Variants in SHROOM3 observed in about 807,000 individuals in gnomAD.
SHROOM3 encodes the protein protein Shroom3.
SHROOM3 carries 47 observed loss-of-function variants against 138.6 expected under a neutral mutation model. That is an observed-to-expected ratio of 0.34 (90% confidence interval 0.27 to 0.43). SHROOM3 has a LOEUF of 0.43. SHROOM3 is among the 20% of genes least tolerant of loss of function. The pLI is 1.00. For synonymous variants in SHROOM3, 1,062 were observed against 1,063.3 expected (o/e 1.00, Z 0.02); for missense variants, 2,491 against 2,596.5 (o/e 0.96, Z 0.88).
intron 1 of SHROOM3, among the ~76,000 whole-genome samples, chr4:76,485,680 G>C (rs1731714395): frequency 6.6e-6 from 1 of 152,108 alleles, no homozygotes; most frequent in Admixed American, 6.6e-5. Flanking sequence ...CCCTAAAGAG[G>C]CTTTATGTAT....
rs532123412 is a variant in SHROOM3, at chr4:76,458,479, T to G, written c.168+22259T>G. On this transcript the variant is annotated intron_variant, in intron 1 of 10. Coordinates refer to ENST00000296043, the MANE Select transcript of SHROOM3 (RefSeq NM_020859.4). ...TTCAGTAGCGTTGAGTACATTGTTG[T>G]GCAACCATCACCACTATCTGGTTCC... Among the ~76,000 whole-genome samples, 44 of 152,344 alleles carry G rather than the reference T, an allele frequency of 2.9e-4. No individual in the cohort carries two copies. In the South Asian group the frequency reaches 7.9e-3, roughly 27 times the overall value.
rs909150121 is a variant in SHROOM3, at chr4:76,664,979, C to T, written c.324-45177C>T. On this transcript the variant is annotated intron_variant, in intron 2 of 10. Coordinates refer to ENST00000296043, the MANE Select transcript of SHROOM3 (RefSeq NM_020859.4). The surrounding 1 kb of genome is among the most constrained non-coding windows in gnomAD (Gnocchi z 4.2). ...CAGCCTGGGCAACACAGTGAGACCA[C>T]GTCTCAAAAATATATATATTAACAA... 1.3e-5 allele frequency among the ~76,000 whole-genome samples: 2 copies of T among 151,928 alleles called. No homozygotes were observed. Among genetic ancestry groups the T allele is most frequent in the Non-Finnish European group, 2.9e-5 (2 of 67,978 alleles).
rs1402134836 is a variant in SHROOM3, at chr4:76,741,113, C to T, written c.2940C>T (p.His980=). The change falls in exon 5 of 11, where the codon CAC becomes CAT. Residue 980 remains histidine, a synonymous_variant. Coordinates refer to ENST00000296043, the MANE Select transcript of SHROOM3 (RefSeq NM_020859.4). This position sits in a 1 kb window ranked among gnomAD's most constrained non-coding sequence, Gnocchi z 6.2. ...AGGCGTCGGCCTCCGCCTCCCCGCA[C>T]ACGCCCCGGGAGCGGCACAGCGTGA... ...SPEASASASP[H]TPRERHSVTP... is the part of the protein sequence containing the mutation. The T allele has an allele frequency of 3.9e-6, 6 of 1,550,070 alleles. No homozygotes were observed. Among genetic ancestry groups the T allele is most frequent in the Non-Finnish European group, 5.2e-6 (6 of 1,147,616 alleles).
intron 1 of SHROOM3, among the ~76,000 whole-genome samples, chr4:76,540,869 G>A (rs986061919): frequency 2.0e-5 from 3 of 152,144 alleles, no homozygotes; most frequent in African/African-American, 7.2e-5. Flanking sequence ...TGAAGAAAGA[G>A]TTGAAAATTA....
At chr4:76,712,434 T>C (rs2110118585) in intron 3 of SHROOM3, among the ~76,000 whole-genome samples, 2 of 152,298 alleles carry the variant, frequency 1.3e-5, no homozygotes, top group Middle Eastern at 6.8e-3. Flanking sequence ...AGACCTGGGT[T>C]TGAGCTAGAA....
chr4:76,704,704 T>C (rs934002916), intron 2 of SHROOM3, among the ~76,000 whole-genome samples: 1 of 152,146 alleles, frequency 6.6e-6, no homozygotes, highest in Non-Finnish European at 1.5e-5. Flanking sequence ...CCAAAATGCA[T>C]AGGGAAGCTA....
chr4:76,486,857 G>T (rs1731742285), intron 1 of SHROOM3, among the ~76,000 whole-genome samples: 1 of 151,898 alleles, frequency 6.6e-6, no homozygotes, highest in Non-Finnish European at 1.5e-5. Flanking sequence ...CCTGTGACTT[G>T]TGCTGAGTAA....
intron 2 of SHROOM3, among the ~76,000 whole-genome samples, chr4:76,635,425 C>G (rs1226786323): frequency 6.6e-6 from 1 of 152,088 alleles, no homozygotes; most frequent in East Asian, 1.9e-4. Context: ...AAACCAGAAC[C>G]AAAAAACAGT....
intron 2 of SHROOM3, among the ~76,000 whole-genome samples, chr4:76,690,419 C>T (rs917794741): frequency 1.3e-5 from 2 of 152,126 alleles, no homozygotes; most frequent in African/African-American, 4.8e-5. Context: ...ACTGTGTGCA[C>T]GGGAGCTTCT....
At chr4:76,606,242 G>A (rs1302541071) in intron 2 of SHROOM3, among the ~76,000 whole-genome samples, 2 of 149,852 alleles carry the variant, frequency 1.3e-5, no homozygotes, top group Non-Finnish European at 3.0e-5. Context: ...TCAATCTCTT[G>A]ACCTTGTGAT....
intron 2 of SHROOM3, among the ~76,000 whole-genome samples, chr4:76,566,366 G>A (rs1733726485): frequency 6.6e-6 from 1 of 151,960 alleles, no homozygotes; most frequent in Non-Finnish European, 1.5e-5. Context: ...CCTATGAGGG[G>A]GTCCTGGAAC....
At chr4:76,536,984 G>A (rs143566628) in intron 1 of SHROOM3, among the ~76,000 whole-genome samples, 8 of 152,180 alleles carry the variant, frequency 5.3e-5, no homozygotes, top group African/African-American at 1.7e-4. Flanking sequence ...GTGGTGGCAG[G>A]AGCCTGTAAT....
chr4:76,712,588 G>C (rs913373741), intron 3 of SHROOM3, among the ~76,000 whole-genome samples: 12 of 152,264 alleles, frequency 7.9e-5, no homozygotes, highest in Admixed American at 2.6e-4. Context: ...CTGGCCGATG[G>C]CGCTATGTCT....
intron 2 of SHROOM3, among the ~76,000 whole-genome samples, chr4:76,661,990 A>G (rs527306007): frequency 2.0e-5 from 3 of 152,284 alleles, no homozygotes; most frequent in African/African-American, 7.2e-5. Flanking sequence ...AACCTTCCCA[A>G]CATGTGGTAC....
intron 2 of SHROOM3, among the ~76,000 whole-genome samples, chr4:76,657,511 A>C (rs909348909): frequency 1.2e-4 from 18 of 152,144 alleles, no homozygotes; most frequent in African/African-American, 4.3e-4. Context: ...ATGCCTGCTC[A>C]TTACTAGCGC....
intron 2 of SHROOM3, among the ~76,000 whole-genome samples, chr4:76,679,106 A>G (rs1719120751): frequency 6.6e-6 from 1 of 152,254 alleles, no homozygotes; most frequent in South Asian, 2.1e-4. Flanking sequence ...GCAATGGAAA[A>G]ACATGATTCT....
At chr4:76,473,331 G>A (rs1327761054) in intron 1 of SHROOM3, among the ~76,000 whole-genome samples, 1 of 152,196 alleles carries the variant, frequency 6.6e-6, no homozygotes, top group Admixed American at 6.5e-5. Flanking sequence ...GACAAGGCTG[G>A]GTGTGGTGGC....
At chr4:76,470,993 GGT>G (rs1352090369) in intron 1 of SHROOM3, among the ~76,000 whole-genome samples, 3 of 151,662 alleles carry the variant, frequency 2.0e-5, no homozygotes, top group African/African-American at 7.3e-5. Flanking sequence ...AAAATTAGGG[GGT>G]GTGTGTGTGT....
At position 76,730,796 on chromosome 4, in the gene SHROOM3, C is replaced by T. The variant is rs764742390; in HGVS notation, c.456-8C>T. ...TAATGTTGGGGGGTCCCTCCTGTGTCTCCCCAGGCGCAGTGAGCCTGCAGG... is the reference window on the plus strand; with the variant it reads ...TAATGTTGGGGGGTCCCTCCTGTGTTTCCCCAGGCGCAGTGAGCCTGCAGG... On this transcript the variant is annotated splice_polypyrimidine_tract_variant and splice_region_variant and intron_variant, in intron 3 of 10. Transcript: ENST00000296043. 1.2e-6 allele frequency: 2 copies of T among 1,613,936 alleles called. No homozygotes were observed. The highest frequency in any genetic ancestry group is 2.2e-5 in the East Asian group (1 of 44,856).
Sources: gnomAD v4.1 joint callset for allele counts (sites outside exome capture counted in the v4.1 genomes callset) on GRCh38, gnomAD v4.1.1 for gene constraint, Gnocchi (gnomAD v3.1) non-coding constraint, MANE v1.5 for transcripts, NCBI Gene and HGNC (gene_info 2026-07-23, HGNC 2026-07-21) for gene names.